Variants in OCRL observed in about 807,000 individuals in gnomAD.
OCRL encodes the protein inositol polyphosphate 5-phosphatase OCRL.
OCRL carries 8 observed loss-of-function variants against 78.9 expected under a neutral mutation model. The ratio of observed to expected loss-of-function variants is 0.10; its 90% CI spans 0.06 to 0.18. OCRL has a LOEUF of 0.18. Ranked by LOEUF, OCRL falls within the 10% of genes least tolerant of loss-of-function variation. OCRL has a pLI of 1.00. For synonymous variants in OCRL, 240 were observed against 235.4 expected (o/e 1.02, Z -0.18); for missense variants, 454 against 696.7 (o/e 0.65, Z 3.92).
At chrX:129,570,491 T>A (rs956287913) in intron 15 of OCRL, among the ~76,000 whole-genome samples, 3 of 112,279 alleles carry the variant, frequency 2.7e-5, no homozygotes, top group African/African-American at 9.7e-5. Flanking sequence ...GAGATAGATA[T>A]CACCAACCTG....
intron 2 of OCRL, among the ~76,000 whole-genome samples, chrX:129,543,842 A>C (rs1458945032): frequency 8.9e-6 from 1 of 112,765 alleles, no homozygotes; most frequent in Non-Finnish European, 1.9e-5. Flanking sequence ...CTTATAGCTT[A>C]ATTAAGCTAG....
rs1936371156 is a variant in OCRL at position 129,576,539 on chromosome X, A to G, written c.2102A>G (p.Lys701Arg). Residue 701 changes from lysine to arginine, a missense_variant, in exon 18 of 24, where the codon AAA (lysine) becomes AGA (arginine). Lys to Arg is a conservative substitution (Grantham distance 26). Coordinates refer to ENST00000371113, the MANE Select transcript of OCRL (RefSeq NM_000276.4). ...CCAATCCGAGAAGTTCCTGTTACCAAACTCATAGACTTGGTAAGAACTGTC... is the reference window on the plus strand; with the variant it reads ...CCAATCCGAGAAGTTCCTGTTACCAGACTCATAGACTTGGTAAGAACTGTC... ...KRPIREVPVT[K>R]LIDLEEDSFL... 11 of 1,193,904 alleles carry G rather than the reference A, an allele frequency of 9.2e-6. No homozygotes were observed. The highest frequency in any genetic ancestry group is 1.2e-5 in the Non-Finnish European group (11 of 880,627).
intron 15 of OCRL, among the ~76,000 whole-genome samples, chrX:129,571,363 GTT>G (rs1301308479): frequency 8.7e-5 from 7 of 80,492 alleles, no homozygotes; most frequent in African/African-American, 2.4e-4. Flanking sequence ...TTGTTTTTTG[GTT>G]TTTTTTTTTT....
intron 4 of OCRL, chrX:129,549,910 G>C (rs931393819): frequency 8.9e-6 from 1 of 112,075 alleles, no homozygotes; most frequent in African/African-American, 3.2e-5. Context: ...CTCATAGGGG[G>C]AAAATAGGTA....
In OCRL at chrX:129,547,332, T is replaced by C. The variant is rs180849843; in HGVS notation, c.200-1231T>C. ...CAAGGTCAGGAGATTGAGACCATCC[T>C]GGCTAACACGATGAAACCCCGTCTC... On this transcript the variant is annotated intron_variant, in intron 3 of 23. Transcript: ENST00000371113. 4.6e-3 allele frequency among the ~76,000 whole-genome samples: 508 copies of C among 109,975 alleles called. 2 individuals carry two copies. The highest frequency in any genetic ancestry group is 7.4e-3 in the Non-Finnish European group (392 of 52,686).
chrX:129,557,682 TCTC>T (rs1936077781), intron 5 of OCRL, among the ~76,000 whole-genome samples, 176 bp from the exon 6 acceptor site: 1 of 111,590 alleles, frequency 9.0e-6, no homozygotes, highest in South Asian at 3.8e-4. Context: ...AGACTATAAT[TCTC>T]CTTCTGCCCC....
intron 3 of OCRL, 130 bp from the exon 4 acceptor site, chrX:129,548,433 A>T: frequency 5.5e-6 from 3 of 542,832 alleles, no homozygotes; most frequent in Non-Finnish European, 6.4e-6. Flanking sequence ...AAAGGGATTT[A>T]AAAAAATATG....
chrX:129,557,675 C>G (rs1936077480), intron 5 of OCRL, among the ~76,000 whole-genome samples, 186 bp from the exon 6 acceptor site: 1 of 111,605 alleles, frequency 9.0e-6, no homozygotes, highest in Admixed American at 9.5e-5. Context: ...TTACCATAGA[C>G]TATAATTCTC....
intron 4 of OCRL, among the ~76,000 whole-genome samples, chrX:129,552,302 C>T (rs966739422): frequency 2.7e-5 from 3 of 111,641 alleles, no homozygotes; most frequent in Admixed American, 9.4e-5. Flanking sequence ...GGATGAATCT[C>T]GGGTTTCTGA....
At chrX:129,580,451 G>A (rs1399629922) in intron 18 of OCRL, among the ~76,000 whole-genome samples, 2 of 112,175 alleles carry the variant, frequency 1.8e-5, no homozygotes, top group African/African-American at 6.5e-5. Context: ...TTATGCATGA[G>A]CCAGAGGGTA....
rs778171379 is a variant in OCRL at position 129,558,971 on chromosome X, A to G, written c.692A>G (p.Glu231Gly). ...GLIKHILAKR[E>G]KEYVNIQTFR... ...ATCAAACATATCCTGGCAAAGCGAG[A>G]GAAAGAATATGTCAACATTCAGACT... The change falls in exon 8 of 24, where the codon GAG (glutamate) becomes GGG (glycine). Residue 231 changes from glutamate to glycine, a missense_variant. Physicochemically the swap from Glu to Gly is moderately conservative, Grantham distance 98. Around this residue, in one of 2 missense-constraint regions of OCRL, gnomAD observed 177 missense variants for 179.6 expected, o/e 0.99. Transcript: ENST00000371113. 8.3e-7 allele frequency: 1 copy of G among 1,210,907 alleles called. No individual in the cohort carries two copies. Among genetic ancestry groups the G allele is most frequent in the Admixed American group, 2.2e-5 (1 of 45,961 alleles).
rs183026911 is a variant in OCRL, at chrX:129,545,704, T to A, written c.199+667T>A. ...AAGGAAATTGATACTAGAGAACAAA[T>A]GCATTCTGTTTTCACTAGGACCAGT... On this transcript the variant is annotated intron_variant, in intron 3 of 23. Coordinates refer to ENST00000371113, the MANE Select transcript of OCRL (RefSeq NM_000276.4). 1.8e-3 allele frequency among the ~76,000 whole-genome samples: 205 copies of A among 112,140 alleles called. 3 individuals carry two copies. The Admixed American group carries it at 0.019, about 11-fold the overall frequency.
intron 15 of OCRL, among the ~76,000 whole-genome samples, chrX:129,570,646 T>A: frequency 8.9e-6 from 1 of 112,585 alleles, no homozygotes. Context: ...TTTAAAATAA[T>A]AATCATTAAT....
intron 18 of OCRL, among the ~76,000 whole-genome samples, chrX:129,577,584 G>C (rs1055245180): frequency 9.0e-6 from 1 of 111,711 alleles, no homozygotes; most frequent in African/African-American, 3.3e-5. Flanking sequence ...ATCTAGCAGG[G>C]AGGTCTAGAC....
intron 2 of OCRL, among the ~76,000 whole-genome samples, chrX:129,542,630 A>G (rs1569456389): frequency 9.0e-6 from 1 of 110,851 alleles, no homozygotes; most frequent in Non-Finnish European, 1.9e-5. Flanking sequence ...TCCCCCTTTT[A>G]TAGATACAGA....
chrX:129,554,948 AAAATAAATAAATAAATAAATAAAT>A (rs765929333), intron 4 of OCRL, among the ~76,000 whole-genome samples: 11 of 84,663 alleles, frequency 1.3e-4, no homozygotes, highest in East Asian at 7.6e-4. Flanking sequence ...ACTCCTTCTC[AAAATAAATAAATAAATAAATAAAT>A]AAATAAATAA....
chrX:129,589,148 C>T (rs760669572), intron 22 of OCRL, 135 bp downstream of exon 22: 7 of 679,880 alleles, frequency 1.0e-5, no homozygotes, highest in South Asian at 2.3e-5. Context: ...AGGACACCAA[C>T]ATTGAGAGTT....
intron 17 of OCRL, 38 bp from the exon 18 acceptor site, chrX:129,576,279 G>A: frequency 8.8e-7 from 1 of 1,139,619 alleles, no homozygotes. Context: ...TCCCACTGGA[G>A]GTTTTCCTAT....
At position 129,591,647 on chromosome X, in the gene OCRL, G is replaced by A. The variant is rs1458020155; in HGVS notation, c.*1377G>A. 9.0e-6 allele frequency: 1 copy of A among 110,775 alleles called. No individual in the cohort carries two copies. Among genetic ancestry groups the A allele is most frequent in the African/African-American group, 3.3e-5 (1 of 30,276 alleles). The allele number at this position is 110,775 out of a possible 1,213,427, so 9.1% of individuals were successfully genotyped here. A position where few individuals can be genotyped will look rare whatever the true frequency, so the allele number is the denominator to read the frequency against. Reference sequence around the variant, plus strand: ...TTGCAAGGAGCATAACGTACAGGCTGTATGTACAATCCTGGGCATTGACTC... The same window carrying A: ...TTGCAAGGAGCATAACGTACAGGCTATATGTACAATCCTGGGCATTGACTC... On this transcript the variant is annotated 3_prime_UTR_variant, in exon 24 of 24. Transcript: ENST00000371113.
Sources: gnomAD v4.1 joint callset for allele counts (sites outside exome capture counted in the v4.1 genomes callset) on GRCh38, gnomAD v4.1.1 for gene constraint, gnomAD v4.1.1 regional missense constraint, MANE v1.5 for transcripts, NCBI Gene and HGNC (gene_info 2026-07-23, HGNC 2026-07-21) for gene names.